The following EDA2R variants were observed in gnomAD, a reference collection of about 807,000 sequenced individuals.
The protein encoded by EDA2R is ectodysplasin A2 receptor, also known as tumor necrosis factor receptor superfamily member 27.
EDA2R carries 26 observed loss-of-function variants against 20.1 expected under a neutral mutation model. The observed-to-expected ratio is 1.30, with a 90% confidence interval of 0.95 to 1.80. The LOEUF (loss-of-function observed/expected upper bound fraction) is 1.80. Among genes scored for constraint, EDA2R ranks in the 40% most tolerant of loss-of-function variants. The probability of loss-of-function intolerance (pLI) is 0.00; values close to 1 mark genes in which losing one functional copy is unlikely to be tolerated. For synonymous variants in EDA2R, 114 were observed against 88.7 expected, an observed-to-expected ratio of 1.29 and a Z score of -1.60; for missense variants, 277 against 228.7, an observed-to-expected ratio of 1.21 and a Z score of -1.36.
chrX:66,618,384 G>A (rs1932070156), intron 1 of EDA2R, among the ~76,000 whole-genome samples: 1 of 112,065 alleles, frequency 8.9e-6, no homozygotes, highest in African/African-American at 3.2e-5. Flanking sequence ...GACCTTATAT[G>A]AATTTTTCCC....
chrX:66,612,325 A>C (rs1044244337), intron 2 of EDA2R, among the ~76,000 whole-genome samples: 4 of 112,107 alleles, frequency 3.6e-5, no homozygotes, highest in African/African-American at 1.3e-4. Context: ...ACATTTTATA[A>C]ATCATAGTAG....
At chrX:66,605,427 C>A (rs1050810472) in intron 2 of EDA2R, among the ~76,000 whole-genome samples, 1 of 112,312 alleles carries the variant, frequency 8.9e-6, no homozygotes, top group African/African-American at 3.2e-5. Context: ...TATAAGAGTA[C>A]ATGGAATGAA....
chrX:66,630,473 A>G (rs1429789310), intron 1 of EDA2R, among the ~76,000 whole-genome samples: 3 of 111,467 alleles, frequency 2.7e-5, no homozygotes, highest in Non-Finnish European at 5.7e-5. Flanking sequence ...AGAATCCACA[A>G]TGAACTCAAA....
At chrX:66,606,359 T>C (rs1374625463) in intron 2 of EDA2R, among the ~76,000 whole-genome samples, 2 of 112,044 alleles carry the variant, frequency 1.8e-5, no homozygotes. Flanking sequence ...TAATATTGTT[T>C]GCCATTCCCA....
chrX:66,632,786 T>C (rs141243149), intron 1 of EDA2R, among the ~76,000 whole-genome samples: 1 of 111,597 alleles, frequency 9.0e-6, no homozygotes, highest in Non-Finnish European at 1.9e-5. Context: ...TGTGTTTAAG[T>C]ATACTAAAAT....
chrX:66,599,998 T>C (rs1331657683), intron 5 of EDA2R, 138 bp from the exon 6 acceptor site: 10 of 1,137,426 alleles, frequency 8.8e-6, no homozygotes, highest in Admixed American at 8.2e-5. Context: ...CTAGAGCACC[T>C]AGCACCAGGC....
In EDA2R at chrX:66,595,974, G is replaced by C. The variant is rs967366901; in HGVS notation, c.*2130C>G. On this transcript the variant is annotated 3_prime_UTR_variant, in exon 7 of 7. Coordinates refer to ENST00000374719, the MANE Select transcript of EDA2R (RefSeq NM_021783.5). ...CTTGGAGGAAAAAATTATTTTCCCA[G>C]GCTCCCTCCTGTCAAAATCCAAGTC... The C allele has an allele frequency of 9.3e-6, 1 of 107,098 alleles. No individual in the cohort carries two copies. The highest frequency in any genetic ancestry group is 3.4e-5 in the African/African-American group (1 of 29,413). 8.8% of individuals were successfully genotyped at this position (107,098 alleles called of 1,213,427 possible).
chrX:66,601,692 C>CT (rs764558875), intron 5 of EDA2R, among the ~76,000 whole-genome samples: 1 of 111,189 alleles, frequency 9.0e-6, no homozygotes, highest in South Asian at 3.8e-4. Flanking sequence ...TATAAATCAA[C>CT]TTCATTCTCT....
chrX:66,596,784 A>C lies in EDA2R; in HGVS notation c.*1320T>G, dbSNP rs1602162951. On this transcript the variant is annotated 3_prime_UTR_variant, in exon 7 of 7. Transcript: ENST00000374719. ...AAACAAAAAAAAAACAGGAAACCTAAAGGCCAAGGCCTAAAACCTTGGTTA... is the reference window on the plus strand; with the variant it reads ...AAACAAAAAAAAAACAGGAAACCTACAGGCCAAGGCCTAAAACCTTGGTTA... The C allele has an allele frequency of 8.9e-6, 1 of 112,494 alleles. No individual in the cohort carries two copies. The highest frequency in any genetic ancestry group is 2.8e-4 in the East Asian group (1 of 3,604). The allele number at this position is 112,494 out of a possible 1,213,427, so 9.3% of individuals were successfully genotyped here.
intron 1 of EDA2R, among the ~76,000 whole-genome samples, chrX:66,633,633 G>A (rs185015576): frequency 1.4e-3 from 154 of 111,374 alleles, no homozygotes; most frequent in African/African-American, 4.8e-3. Flanking sequence ...AGCCAGACCG[G>A]CACTCAGCTA....
At chrX:66,602,596 T>C (rs909625289) in intron 5 of EDA2R, 37 bp downstream of exon 5, 1 of 1,161,809 alleles carries the variant, frequency 8.6e-7, no homozygotes, top group South Asian at 2.0e-5. Context: ...AGAGCCTTGT[T>C]CCTGATTCAT....
intron 1 of EDA2R, among the ~76,000 whole-genome samples, chrX:66,628,028 A>G (rs1287979319): frequency 9.0e-6 from 1 of 111,471 alleles, no homozygotes; most frequent in Non-Finnish European, 1.9e-5. Context: ...TCAACTCAAA[A>G]AGGAACCTTC....
intron 1 of EDA2R, among the ~76,000 whole-genome samples, chrX:66,617,904 C>T (rs1658670681): frequency 9.7e-6 from 1 of 103,420 alleles, no homozygotes; most frequent in African/African-American, 3.5e-5. Context: ...TCTCTCCTTC[C>T]TTCCTTCCTT....
Position 66,603,582 on chromosome X carries a change from C to T in EDA2R, c.353-785G>A, listed in dbSNP as rs777184369. Reference sequence around the variant, plus strand: ...GCACAGTCAAATGATGTAGGAAGGCCTTTGCATAGTAAAAAAAAAATAAAC... The same window carrying T: ...GCACAGTCAAATGATGTAGGAAGGCTTTTGCATAGTAAAAAAAAAATAAAC... On this transcript the variant is annotated intron_variant, in intron 4 of 6. Coordinates refer to ENST00000374719, the MANE Select transcript of EDA2R (RefSeq NM_021783.5). Among the ~76,000 whole-genome samples the T allele has an allele frequency of 1.1e-4, 12 of 111,340 alleles. No individual in the cohort carries two copies. The South Asian group carries it at 4.2e-3, about 39-fold the overall frequency.
chrX:66,606,030 C>A (rs934137106), intron 2 of EDA2R, among the ~76,000 whole-genome samples: 1 of 111,444 alleles, frequency 9.0e-6, no homozygotes, highest in Non-Finnish European at 1.9e-5. Context: ...TTCCTTCCCC[C>A]CGACCCCCAG....
In EDA2R at chrX:66,596,296, A is replaced by G. The variant is rs1188969344; in HGVS notation, c.*1808T>C. 1.8e-5 allele frequency: 2 copies of G among 111,098 alleles called. No individual in the cohort carries two copies. The highest frequency in any genetic ancestry group is 3.8e-5 in the Non-Finnish European group (2 of 53,105). The allele number at this position is 111,098 out of a possible 1,213,427, so 9.2% of individuals were successfully genotyped here. A position where few individuals can be genotyped will look rare whatever the true frequency, so the allele number is the denominator to read the frequency against. ...AAGAACTCTCCTGAAGCAAATACTC[A>G]ACTATGGTATTTGCCATGGCCAAAC... On this transcript the variant is annotated 3_prime_UTR_variant, in exon 7 of 7. Coordinates refer to ENST00000374719, the MANE Select transcript of EDA2R (RefSeq NM_021783.5).
intron 1 of EDA2R, among the ~76,000 whole-genome samples, chrX:66,623,255 GA>G (rs1001401553): frequency 2.7e-5 from 3 of 111,915 alleles, no homozygotes; most frequent in African/African-American, 9.7e-5. Flanking sequence ...AATGCAGTCA[GA>G]AAAAAAGGTT....
At position 66,627,010 on chromosome X, in the gene EDA2R, C is replaced by T. The variant is rs377192532; in HGVS notation, c.-10-10980G>A. ...CTATCAGCCAGGAATTTTGTATCCA[C>T]TGAAAGTAAGCATCATATATGAAGG... On this transcript the variant is annotated intron_variant, in intron 1 of 6. Transcript: ENST00000374719. Among the ~76,000 whole-genome samples, 46 of 111,457 alleles carry T rather than the reference C, an allele frequency of 4.1e-4. 1 individual carries two copies. In the East Asian group the frequency reaches 4.2e-3, roughly 10 times the overall value.
At chrX:66,612,245 G>A (rs1427326818) in intron 2 of EDA2R, among the ~76,000 whole-genome samples, 4 of 111,536 alleles carry the variant, frequency 3.6e-5, no homozygotes, top group Admixed American at 9.5e-5. Context: ...AAATCTTGGA[G>A]CATCAGGAAG....
Sources: gnomAD v4.1 joint callset for allele counts (sites outside exome capture counted in the v4.1 genomes callset) on GRCh38, gnomAD v4.1.1 for gene constraint, MANE v1.5 for transcripts, NCBI Gene and HGNC (gene_info 2026-07-23, HGNC 2026-07-21) for gene names.